Variants in NHS observed in about 807,000 individuals in gnomAD.
The protein encoded by NHS is actin remodeling regulator NHS.
In NHS, 5 loss-of-function variants were observed where a neutral mutation model predicts 72.5. The observed-to-expected ratio is 0.07, with a 90% CI of 0.04 to 0.14. The LOEUF is 0.14. NHS is among the 10% of genes least tolerant of loss of function. The probability of loss-of-function intolerance (pLI) is 1.00; values close to 1 mark genes in which losing one functional copy is unlikely to be tolerated. For missense variants in NHS, 1,072 were observed against 1,355.7 expected (o/e 0.79, Z 3.29); for synonymous variants, 464 against 547.7 (o/e 0.85, Z 2.13).
At chrX:17,530,905 C>T (rs1179319109) in intron 1 of NHS, among the ~76,000 whole-genome samples, 1 of 111,525 alleles carries the variant, frequency 9.0e-6, no homozygotes, top group African/African-American at 3.3e-5. Context: ...TCAAGTGATT[C>T]CCCTGCCTCA....
intron 1 of NHS, among the ~76,000 whole-genome samples, chrX:17,489,336 T>G (rs1006211803): frequency 8.9e-6 from 1 of 112,149 alleles, no homozygotes; most frequent in Non-Finnish European, 1.9e-5. Flanking sequence ...CAAATGATAT[T>G]TCTGGTTCTA....
At position 17,496,477 on chromosome X, in the gene NHS, C is replaced by A. The variant is rs142114098; in HGVS notation, c.565+120155C>A. ...GTGAGAGAAAGTGGTTTAGATTTGC[C>A]CAGTTATGCATTTGAGACCCAGATA... On this transcript the variant is annotated intron_variant, in intron 1 of 8. Coordinates refer to ENST00000676302, the MANE Select transcript of NHS (RefSeq NM_001291867.2). 9.0e-5 allele frequency among the ~76,000 whole-genome samples: 10 copies of A among 110,952 alleles called. No individual in the cohort carries two copies. The East Asian group carries it at 2.8e-3, about 32-fold the overall frequency.
chrX:17,606,869 C>T (rs1461049391), intron 1 of NHS, among the ~76,000 whole-genome samples: 3 of 112,366 alleles, frequency 2.7e-5, no homozygotes, highest in Non-Finnish European at 5.6e-5. Flanking sequence ...CAACATTTAT[C>T]GAGCACTTAT....
At chrX:17,449,588 A>G in intron 1 of NHS, among the ~76,000 whole-genome samples, 1 of 112,132 alleles carries the variant, frequency 8.9e-6, no homozygotes, top group Non-Finnish European at 1.9e-5. Flanking sequence ...TATGTAAGTG[A>G]TATCTCAATT....
chrX:17,408,863 TG>T lies in NHS; in HGVS notation c.565+32543del, dbSNP rs2064542233. The stretch of plus-strand genomic sequence containing the variant: ...TCAAGGTGACTGCCAATTCAGTTTC[TG>T]GTGAGGGCCCTTTTCTTGTCTTGTA... On this transcript the variant is annotated intron_variant, in intron 1 of 8. Coordinates refer to ENST00000676302, the MANE Select transcript of NHS (RefSeq NM_001291867.2). Among the ~76,000 whole-genome samples, 4 of 111,893 alleles carry T rather than the reference TG, an allele frequency of 3.6e-5. No individual in the cohort carries two copies. In the South Asian group the frequency reaches 1.5e-3, roughly 43 times the overall value.
intron 1 of NHS, chrX:17,635,308 A>G (rs1331974950): frequency 3.8e-6 from 4 of 1,064,572 alleles, no homozygotes; most frequent in Non-Finnish European, 4.8e-6. Flanking sequence ...TTGCCATTCA[A>G]GTGAACCCTG....
intron 1 of NHS, among the ~76,000 whole-genome samples, chrX:17,628,939 A>G: frequency 8.8e-6 from 1 of 113,138 alleles, no homozygotes; most frequent in Middle Eastern, 4.6e-3. Flanking sequence ...ATAAACCATT[A>G]CATTTATCAT....
chrX:17,478,682 C>A (rs2064932174), intron 1 of NHS, among the ~76,000 whole-genome samples: 1 of 111,241 alleles, frequency 9.0e-6, no homozygotes, highest in South Asian at 3.8e-4. Flanking sequence ...TCTTCTCAAG[C>A]TAGGAGGGAA....
Position 17,732,107 on chromosome X carries a change from C to G in NHS, c.4599C>G (p.Arg1533=). ...KKGSRSDSSY[R]MSATEILKSP... ...GCAGTCGCTCAGATTCTAGTTACCG[C>G]ATGTCTGCCACTGAGATCCTGAAGA... The change falls in exon 9 of 9, where the codon CGC becomes CGG. Residue 1533 remains arginine, a synonymous_variant. Transcript: ENST00000676302. The G allele has an allele frequency of 3.3e-6, 4 of 1,211,924 alleles. No individual in the cohort carries two copies. The South Asian group carries it at 7.0e-5, about 21-fold the overall frequency.
intron 1 of NHS, among the ~76,000 whole-genome samples, chrX:17,521,879 A>G (rs922301985): frequency 2.7e-5 from 3 of 112,725 alleles, no homozygotes; most frequent in African/African-American, 9.7e-5. Context: ...AGCTGAAGCA[A>G]AGTGGAAAAC....
chrX:17,584,654 T>C (rs2065564539), intron 1 of NHS, among the ~76,000 whole-genome samples: 1 of 112,064 alleles, frequency 8.9e-6, no homozygotes, highest in Non-Finnish European at 1.9e-5. Context: ...TGAGTAATGC[T>C]GGGAAAGCTG....
chrX:17,495,894 A>G (rs1276190631), intron 1 of NHS, among the ~76,000 whole-genome samples: 1 of 111,543 alleles, frequency 9.0e-6, no homozygotes, highest in Non-Finnish European at 1.9e-5. Flanking sequence ...AATGGTAGTA[A>G]CCTGCTACCT....
intron 1 of NHS, among the ~76,000 whole-genome samples, chrX:17,513,557 C>T (rs751495582): frequency 1.8e-5 from 2 of 112,304 alleles, no homozygotes; most frequent in South Asian, 7.4e-4. Context: ...TCTTGGGCTC[C>T]ACCCTAGACC....
rs940322748 is a variant in NHS, at chrX:17,732,525, A to C, written c.*61A>C. The stretch of plus-strand genomic sequence containing the variant: ...CCCTTACTCACATGAGGATGGAGGA[A>C]CAGAACAGAGGACTTGGGAAAAGTC... On this transcript the variant is annotated 3_prime_UTR_variant, in exon 9 of 9. Coordinates refer to ENST00000676302, the MANE Select transcript of NHS (RefSeq NM_001291867.2). The C allele has an allele frequency of 3.2e-5, 39 of 1,206,245 alleles. No homozygotes were observed. Among genetic ancestry groups the C allele is most frequent in the Non-Finnish European group, 4.2e-5 (37 of 891,127 alleles).
At chrX:17,612,156 C>T (rs2065714653) in intron 1 of NHS, among the ~76,000 whole-genome samples, 1 of 108,936 alleles carries the variant, frequency 9.2e-6, no homozygotes, top group African/African-American at 3.4e-5. Context: ...CAGGTAGATT[C>T]AGACACCAAA....
At chrX:17,700,745 G>A (rs2066259055) in intron 3 of NHS, among the ~76,000 whole-genome samples, 1 of 111,747 alleles carries the variant, frequency 8.9e-6, no homozygotes, top group African/African-American at 3.3e-5. Flanking sequence ...ATTACAAGAT[G>A]TTGGAAACAA....
In NHS at chrX:17,632,628, G is replaced by A. The variant is rs191720471; in HGVS notation, c.566-55114G>A. 6.3e-5 allele frequency among the ~76,000 whole-genome samples: 7 copies of A among 110,591 alleles called. No individual in the cohort carries two copies. In the East Asian group the frequency reaches 1.7e-3, roughly 27 times the overall value. ...AAAAACAAAAAAAAACGAAGACCCCGGCTAGCTTAATAGTTCTGTGACCTT... is the reference window on the plus strand; with the variant it reads ...AAAAACAAAAAAAAACGAAGACCCCAGCTAGCTTAATAGTTCTGTGACCTT... On this transcript the variant is annotated intron_variant, in intron 1 of 8. Coordinates refer to ENST00000676302, the MANE Select transcript of NHS (RefSeq NM_001291867.2).
intron 1 of NHS, among the ~76,000 whole-genome samples, chrX:17,530,081 C>T (rs2065191513): frequency 9.0e-6 from 1 of 110,613 alleles, no homozygotes; most frequent in Non-Finnish European, 1.9e-5. Context: ...AGATGCTTTC[C>T]CTGCACTGAC....
chrX:17,470,119 ACT>A (rs763155550), intron 1 of NHS, among the ~76,000 whole-genome samples: 1 of 110,171 alleles, frequency 9.1e-6, no homozygotes, highest in Non-Finnish European at 1.9e-5. Context: ...CTGCAAATCA[ACT>A]CTATGAGAGA....
Sources: gnomAD v4.1 joint callset for allele counts (sites outside exome capture counted in the v4.1 genomes callset) on GRCh38, gnomAD v4.1.1 for gene constraint, MANE v1.5 for transcripts, NCBI Gene and HGNC (gene_info 2026-07-23, HGNC 2026-07-21) for gene names.